Variants in SPAG1 observed in about 807,000 individuals in gnomAD.
SPAG1 encodes sperm-associated antigen 1.
Under a neutral mutation model 100.5 loss-of-function variants are expected in SPAG1, and 69 were observed. The ratio of observed to expected loss-of-function variants is 0.69; its 90% confidence interval spans 0.57 to 0.84. The LOEUF is 0.84. Ranked by LOEUF, SPAG1 falls within the 40% of genes least tolerant of loss-of-function variation. The probability of loss-of-function intolerance (pLI) is 0.00; values close to 1 mark genes in which losing one functional copy is unlikely to be tolerated. For missense variants in SPAG1, 955 were observed against 1,133.1 expected (o/e 0.84, Z 2.26); for synonymous variants, 336 against 411.6 (o/e 0.82, Z 2.22).
rs1819158565 is a variant in SPAG1 at position 100,239,462 on chromosome 8, A to T, written c.2280+58A>T. Reference sequence around the variant, plus strand: ...CTTTGGGGACCTTAGACTGGATTCTAAGGTCATATTCCTGTGAGTTCTAAA... The same window carrying T: ...CTTTGGGGACCTTAGACTGGATTCTTAGGTCATATTCCTGTGAGTTCTAAA... On this transcript the variant is annotated intron_variant, in intron 17 of 18. Transcript: ENST00000388798. The surrounding 1 kb of genome is among the most constrained non-coding windows in gnomAD (Gnocchi z 5.0). 5.6e-6 allele frequency: 6 copies of T among 1,073,846 alleles called. No individual in the cohort carries two copies. The South Asian group carries it at 6.7e-5, about 12-fold the overall frequency. The allele number at this position is 1,073,846 out of a possible 1,614,324, so 66.5% of individuals were successfully genotyped here.
chr8:100,192,499 C>A (rs1816857087), intron 9 of SPAG1, among the ~76,000 whole-genome samples: 1 of 152,152 alleles, frequency 6.6e-6, no homozygotes, highest in South Asian at 2.1e-4. Context: ...TACAAACATC[C>A]TTAGAGATGT....
At chr8:100,221,614 C>T (rs1451817221) in intron 13 of SPAG1, among the ~76,000 whole-genome samples, 1 of 152,186 alleles carries the variant, frequency 6.6e-6, no homozygotes, top group African/African-American at 2.4e-5. Context: ...GACATGGTCT[C>T]CGTCTTTAAA....
intron 10 of SPAG1, 127 bp downstream of exon 10, chr8:100,194,395 C>T: frequency 7.4e-7 from 1 of 1,347,704 alleles, no homozygotes; most frequent in East Asian, 2.5e-5. Flanking sequence ...TGTAAATTCA[C>T]AAGCCAGTTT....
chr8:100,201,221 G>A (rs1316802289), intron 10 of SPAG1, among the ~76,000 whole-genome samples: 1 of 151,908 alleles, frequency 6.6e-6, no homozygotes, highest in Non-Finnish European at 1.5e-5. Context: ...GGGCTCAAGT[G>A]ATCCTCCTAC....
At chr8:100,202,492 C>T (rs550177533) in intron 10 of SPAG1, among the ~76,000 whole-genome samples, 16 of 150,074 alleles carry the variant, frequency 1.1e-4, no homozygotes, top group Non-Finnish European at 2.1e-4. Context: ...GGGCGGATCA[C>T]GAGGTCAGGA....
intron 13 of SPAG1, 152 bp downstream of exon 13, chr8:100,220,583 TCTCTCCCTTAACTTAATTTCTGA>T: frequency 1.5e-6 from 1 of 663,386 alleles, no homozygotes; most frequent in Non-Finnish European, 2.5e-6. Context: ...ATCAAATGGT[TCTCTCCCTTAACTTAATTTCTGA>T]CTCTCCCTTA....
In SPAG1 at chr8:100,187,079, AC is replaced by A. The variant is rs751201181; in HGVS notation, c.702-39del. ...TGAATTTCTCTACATTCTTATGTTT[AC>A]CTTAGGCTTGCTTGTTGCCAGTAAC... On this transcript the variant is annotated intron_variant, in intron 7 of 18. Transcript: ENST00000388798. 7.0e-6 allele frequency: 11 copies of A among 1,576,738 alleles called. No individual in the cohort carries two copies. In the South Asian group the frequency reaches 1.0e-4, roughly 15 times the overall value.
Position 100,232,287 on chromosome 8 carries a change from T to C in SPAG1, c.1988+999T>C, listed in dbSNP as rs1484513676. On this transcript the variant is annotated intron_variant, in intron 15 of 18. Coordinates refer to ENST00000388798, the MANE Select transcript of SPAG1 (RefSeq NM_003114.5). ...CTGGCAGCTCATTGCCTGGTTCTCG[T>C]CCTCTCCCTCTCCTTCTGTAGGCTT... Among the ~76,000 whole-genome samples the C allele has an allele frequency of 3.3e-5, 5 of 152,060 alleles. No individual in the cohort carries two copies. The East Asian group carries it at 9.6e-4, about 29-fold the overall frequency.
chr8:100,178,885 G>A lies in SPAG1; in HGVS notation c.426+944G>A, dbSNP rs1329358159. On this transcript the variant is annotated intron_variant, in intron 4 of 18. Coordinates refer to ENST00000388798, the MANE Select transcript of SPAG1 (RefSeq NM_003114.5). ...GCTGAGGTGGATGGATTGAGGCCAG[G>A]AGTTCGAGACCAGCCTGGCCAACAT... 4.0e-5 allele frequency among the ~76,000 whole-genome samples: 6 copies of A among 151,772 alleles called. No homozygotes were observed. In the South Asian group the frequency reaches 1.3e-3, roughly 32 times the overall value.
rs998032597 is a variant in SPAG1 at position 100,165,670 on chromosome 8, A to G, written c.141-144A>G. 2.0e-5 allele frequency: 12 copies of G among 612,530 alleles called. No individual in the cohort carries two copies. In the South Asian group the frequency reaches 2.6e-4, roughly 13 times the overall value. 37.9% of individuals were successfully genotyped at this position (612,530 alleles called of 1,614,324 possible). ...AGATTAACGGGTAAAAATGGAGACT[A>G]TGCGGGTTAAGGAAAGAGACTGGGA... On this transcript the variant is annotated intron_variant, in intron 2 of 18. Coordinates refer to ENST00000388798, the MANE Select transcript of SPAG1 (RefSeq NM_003114.5).
At chr8:100,191,530 G>C in intron 9 of SPAG1, 34 bp downstream of exon 9, 2 of 1,370,436 alleles carry the variant, frequency 1.5e-6, no homozygotes, top group Non-Finnish European at 2.1e-6. Context: ...ACCTAATTCT[G>C]TAGTTGGCTG....
Position 100,213,412 on chromosome 8 carries a change from G to C in SPAG1, c.1419G>C (p.Ala473=), listed in dbSNP as rs1472435271. The C allele has an allele frequency of 7.0e-7, 1 of 1,426,580 alleles. No individual in the cohort carries two copies. Among genetic ancestry groups the C allele is most frequent in the South Asian group, 1.4e-5 (1 of 69,388 alleles). The allele number at this position is 1,426,580 out of a possible 1,614,324, so 88.4% of individuals were successfully genotyped here. A position where few individuals can be genotyped will look rare whatever the true frequency, so the allele number is the denominator to read the frequency against. ...CCGGCAAGTACTCGGCGGCAATCGC[G>C]CTCCTGGAGCCAGCAGGTAGGTGCG... The part of the protein sequence containing the change: ...EAAGKYSAAI[A]LLEPAGSEIA... Residue 473 remains alanine, a synonymous_variant, in exon 11 of 19, where the codon GCG becomes GCC. Coordinates refer to ENST00000388798, the MANE Select transcript of SPAG1 (RefSeq NM_003114.5).
Position 100,239,336 on chromosome 8 carries a change from C to A in SPAG1, c.2212C>A (p.Leu738Ile), listed in dbSNP as rs768030549. 9 of 1,591,968 alleles carry A rather than the reference C, an allele frequency of 5.7e-6. No individual in the cohort carries two copies. Among genetic ancestry groups the A allele is most frequent in the Non-Finnish European group, 7.7e-6 (9 of 1,167,188 alleles). ...KMELEEVTRL[L>I]NLKDKTAPFN... ...GGAACTGGAAGAGGTAACTAGACTC[C>A]TTAATCTTAAGGATAAGACAGCACC... Residue 738 changes from leucine (L) to isoleucine (I), a missense_variant, in exon 17 of 19, where the codon CTT becomes ATT. By Grantham distance (5) the Leu-to-Ile change is conservative. Transcript: ENST00000388798. The surrounding 1 kb of genome is among the most constrained non-coding windows in gnomAD (Gnocchi z 5.0).
chr8:100,178,314 T>A (rs1816219602), intron 4 of SPAG1, among the ~76,000 whole-genome samples: 1 of 152,060 alleles, frequency 6.6e-6, no homozygotes, highest in Non-Finnish European at 1.5e-5. Context: ...CTACAGAGGA[T>A]ATATCATGTT....
chr8:100,226,260 G>A (rs1350245534), intron 14 of SPAG1, among the ~76,000 whole-genome samples: 2 of 152,270 alleles, frequency 1.3e-5, no homozygotes, highest in Admixed American at 1.3e-4. Flanking sequence ...GCCTCCCAAA[G>A]TGCTGGGATT....
chr8:100,183,137 T>C (rs1262387558), intron 4 of SPAG1, among the ~76,000 whole-genome samples: 4 of 152,068 alleles, frequency 2.6e-5, no homozygotes, highest in Admixed American at 2.6e-4. Context: ...CATGCCCAGC[T>C]AATTTTTGTA....
chr8:100,166,013 C>T (rs1815534924), intron 3 of SPAG1, 40 bp downstream of exon 3: 2 of 1,520,322 alleles, frequency 1.3e-6, no homozygotes, highest in Non-Finnish European at 9.0e-7. Flanking sequence ...ATTGTTGAGA[C>T]ATTCTATATA....
chr8:100,203,441 C>T (rs867126380), intron 10 of SPAG1, among the ~76,000 whole-genome samples: 2 of 152,098 alleles, frequency 1.3e-5, no homozygotes, highest in Admixed American at 6.5e-5. Context: ...GCAGTTCTTT[C>T]GTTGGTTTTG....
Position 100,213,442 on chromosome 8 carries a change from G to A in SPAG1, c.1435+14G>A. The A allele has an allele frequency of 3.6e-6, 5 of 1,383,654 alleles. No homozygotes were observed. The East Asian group carries it at 1.5e-4, about 42-fold the overall frequency. The allele number at this position is 1,383,654 out of a possible 1,614,324, so 85.7% of individuals were successfully genotyped here. On this transcript the variant is annotated intron_variant, in intron 11 of 18. Transcript: ENST00000388798. ...TGGAGCCAGCAGGTAGGTGCGCCGC[G>A]CCCCGCCGCTTCCTGGGCCCCTCGC...
Sources: allele counts gnomAD v4.1 joint callset (sites outside exome capture counted in the v4.1 genomes callset), GRCh38; gene constraint gnomAD v4.1.1; non-coding constraint Gnocchi (gnomAD v3.1); transcripts MANE v1.5; gene names NCBI Gene and HGNC (gene_info 2026-07-23, HGNC 2026-07-21).